KRT74: variants seen among roughly 807,000 people sequenced by gnomAD.
KRT74 encodes keratin, type II cytoskeletal 74.
KRT74 carries 43 observed loss-of-function variants against 42.7 expected under a neutral mutation model. That is an observed-to-expected ratio of 1.01 (90% CI 0.79 to 1.30). The LOEUF (loss-of-function observed/expected upper bound fraction) is 1.30. Among genes scored for constraint, KRT74 ranks in the 50% most tolerant of loss-of-function variants. KRT74 has a pLI of 0.00. For missense variants in KRT74, 736 were observed against 689.1 expected, an observed-to-expected ratio of 1.07 and a Z score of -0.76; for synonymous variants, 302 against 279.0, an observed-to-expected ratio of 1.08 and a Z score of -0.82.
chr12:52,572,063 G>A lies in KRT74; in HGVS notation c.687-59C>T, dbSNP rs1939494219. 3 of 1,269,572 alleles carry A rather than the reference G, an allele frequency of 2.4e-6. No homozygotes were observed. In the African/African-American group the frequency reaches 4.5e-5, roughly 19 times the overall value. The allele number at this position is 1,269,572 out of a possible 1,614,324, so 78.6% of individuals were successfully genotyped here. On this transcript the variant is annotated intron_variant, in intron 2 of 8. Coordinates refer to ENST00000305620, the MANE Select transcript of KRT74 (RefSeq NM_175053.4). ...CTTAGCCAAGGAACTTTCTCTTCCT[G>A]CTGGCCAGGCAAATGTTTGGGATAC...
In KRT74 at chr12:52,573,796, G is replaced by T; in HGVS notation, c.-19C>A. The T allele has an allele frequency of 6.3e-7, 1 of 1,595,154 alleles. No individual in the cohort carries two copies. The highest frequency in any genetic ancestry group is 1.1e-5 in the South Asian group (1 of 90,518). ...GACTCATGGTGGGAAAGGTTGAGTT[G>T]ACAGAGCTGGAGAAAAGCAGTCTCC... On this transcript the variant is annotated 5_prime_UTR_variant, in exon 1 of 9. Coordinates refer to ENST00000305620, the MANE Select transcript of KRT74 (RefSeq NM_175053.4).
In KRT74 at chr12:52,572,476, A is replaced by G. The variant is rs199720724; in HGVS notation, c.663T>C (p.Asp221=). 1.2e-6 allele frequency: 2 copies of G among 1,613,986 alleles called. No homozygotes were observed. Among genetic ancestry groups the G allele is most frequent in the East Asian group, 4.5e-5 (2 of 44,862 alleles). Residue 221 remains aspartate, a synonymous_variant, in exon 2 of 9, where the codon GAT becomes GAC. Transcript: ENST00000305620. The part of the protein sequence containing the change: ...RLDSELRSMR[D]LVEDYKKRYE... ...ACCTCTTCTTATAGTCCTCCACCAG[A>G]TCCCTCATGCTTCTCAGCTCCGAGT...
intron 1 of KRT74, 68 bp downstream of exon 1, chr12:52,573,239 A>T: frequency 6.8e-7 from 1 of 1,468,406 alleles, no homozygotes; most frequent in Non-Finnish European, 9.5e-7. Context: ...TGTGCAGTCC[A>T]TTCCCAGGCA....
chr12:52,568,157 CA>C lies in KRT74; in HGVS notation c.1355+11del. 1 of 1,614,060 alleles carries C rather than the reference CA, an allele frequency of 6.2e-7. No homozygotes were observed. The highest frequency in any genetic ancestry group is 8.5e-7 in the Non-Finnish European group (1 of 1,179,906). On this transcript the variant is annotated intron_variant, in intron 7 of 8. Coordinates refer to ENST00000305620, the MANE Select transcript of KRT74 (RefSeq NM_175053.4). The stretch of plus-strand genomic sequence containing the variant: ...CAGTCCCTTCTCACACTTTCCCCTC[CA>C]CCCCACCTACCTGCACTCCTCGCCC...
At chr12:52,568,555 G>A (rs1429098256) in intron 6 of KRT74, 166 bp from the exon 7 acceptor site, 6 of 723,914 alleles carry the variant, frequency 8.3e-6, no homozygotes, top group African/African-American at 1.8e-5. Context: ...CTATTGCAGA[G>A]GAGTATTCAA....
chr12:52,569,709 C>T (rs991990760), intron 6 of KRT74, 150 bp downstream of exon 6: 8 of 983,304 alleles, frequency 8.1e-6, no homozygotes, highest in Admixed American at 1.8e-5. Flanking sequence ...GGTAGGGTAC[C>T]GAGGCAGGGT....
rs116730529 is a variant in KRT74 at position 52,571,500 on chromosome 12, A to G, written c.748-46T>C. On this transcript the variant is annotated intron_variant, in intron 3 of 8. Coordinates refer to ENST00000305620, the MANE Select transcript of KRT74 (RefSeq NM_175053.4). ...CATTGGGGGATGCAACCCTCATCCC[A>G]CAGCTGCCCTGCCCAACTCCTGCCT... 774 of 1,378,620 alleles carry G rather than the reference A, an allele frequency of 5.6e-4. 5 individuals are homozygous for G. The African/African-American group carries it at 9.5e-3, about 17-fold the overall frequency. 85.4% of individuals were successfully genotyped at this position (1,378,620 alleles called of 1,614,324 possible).
chr12:52,571,231 T>C, intron 4 of KRT74, 128 bp downstream of exon 4: 2 of 720,762 alleles, frequency 2.8e-6, no homozygotes, highest in Non-Finnish European at 5.0e-6. Flanking sequence ...GGTCTCCTGG[T>C]GCAGGGTTTT....
chr12:52,567,881 GACCAC>G (rs899315681), intron 7 of KRT74, among the ~76,000 whole-genome samples, 188 bp from the exon 8 acceptor site: 4 of 150,694 alleles, frequency 2.7e-5, no homozygotes, highest in African/African-American at 9.8e-5. Context: ...GATTTACCGA[GACCAC>G]ACCACTAGCA....
chr12:52,569,037 T>A (rs1939427516), intron 6 of KRT74, among the ~76,000 whole-genome samples: 1 of 152,060 alleles, frequency 6.6e-6, no homozygotes, highest in African/African-American at 2.4e-5. Context: ...ATCGGCCAAA[T>A]GTAGAGTCGT....
In KRT74 at chr12:52,570,783, G is replaced by T; in HGVS notation, c.894C>A (p.Ser298=). The change falls in exon 5 of 9, where the codon TCC becomes TCA. Residue 298 remains serine, a synonymous_variant. Transcript: ENST00000305620. ...THASETSVIL[S]MDNNRDLDLD... is the part of the protein sequence containing the mutation. ...GGTCCAGGTCCCGGTTGTTGTCCAT[G>T]GACAGGATGACAGAGGTCTCACTGG... The T allele has an allele frequency of 1.2e-6, 2 of 1,614,228 alleles. No homozygotes were observed. Among genetic ancestry groups the T allele is most frequent in the Non-Finnish European group, 1.7e-6 (2 of 1,180,024 alleles).
chr12:52,568,251 A>T lies in KRT74; in HGVS notation c.1273T>A (p.Tyr425Asn), dbSNP rs756990813. 6.2e-7 allele frequency: 1 copy of T among 1,614,014 alleles called. No homozygotes were observed. The highest frequency in any genetic ancestry group is 8.5e-7 in the Non-Finnish European group (1 of 1,180,010). ...KEELARMLRE[Y>N]QELMSLKLAL... ...AGTTTCAGGCTCATGAGCTCCTGGT[A>T]CTCGCGCAGCATCCGCGCCAGCTCC... Residue 425 changes from tyrosine (Y) to asparagine (N), a missense_variant, in exon 7 of 9, where the codon TAC becomes AAC. Tyr to Asn is a moderately radical substitution (Grantham distance 143). Transcript: ENST00000305620.
Position 52,566,886 on chromosome 12 carries a change from T to C in KRT74, c.*83A>G. The C allele has an allele frequency of 1.7e-6, 2 of 1,200,480 alleles. No homozygotes were observed. Among genetic ancestry groups the C allele is most frequent in the East Asian group, 2.4e-5 (1 of 42,408 alleles). 74.4% of individuals were successfully genotyped at this position (1,200,480 alleles called of 1,614,324 possible). ...ACAGACAGTTTTAAAACTCAGGGCC[T>C]GGGAACTTGGGTGTGGCAGACACCT... is the stretch of plus-strand genomic sequence containing the variant. On this transcript the variant is annotated 3_prime_UTR_variant, in exon 9 of 9. Transcript: ENST00000305620.
chr12:52,572,149 C>A (rs1257331860), intron 2 of KRT74, 145 bp from the exon 3 acceptor site: 2 of 746,330 alleles, frequency 2.7e-6, no homozygotes, highest in African/African-American at 3.5e-5. Context: ...GTAAGATATC[C>A]CTGAGTTGCT....
rs1939383633 is a variant in KRT74, at chr12:52,566,500, ATGGAGCAAGTAAAGGC to A, written c.*453_*468del. 1 of 155,918 alleles carries A rather than the reference ATGGAGCAAGTAAAGGC, an allele frequency of 6.4e-6. No homozygotes were observed. Among genetic ancestry groups the A allele is most frequent in the African/African-American group, 2.4e-5 (1 of 41,574 alleles). The allele number at this position is 155,918 out of a possible 1,614,324, so 9.7% of individuals were successfully genotyped here. ...GCGTCATCCTGCAAAGTTGTTTCTG[ATGGAGCAAGTAAAGGC>A]TGTCTAACTTCTCACCACCTGCTTA... is the stretch of plus-strand genomic sequence containing the variant. On this transcript the variant is annotated 3_prime_UTR_variant, in exon 9 of 9. Transcript: ENST00000305620.
chr12:52,571,801 G>C (rs751669322), intron 3 of KRT74, 143 bp downstream of exon 3: 11 of 765,150 alleles, frequency 1.4e-5, no homozygotes, highest in Non-Finnish European at 2.7e-5. Context: ...CTGGAGGCCA[G>C]GACTATGACT....
At chr12:52,569,727 G>A in intron 6 of KRT74, 132 bp downstream of exon 6, 1 of 1,169,710 alleles carries the variant, frequency 8.5e-7, no homozygotes, top group Non-Finnish European at 1.3e-6. Flanking sequence ...GGTGGGAAAG[G>A]GAGACTGTGG....
chr12:52,568,281 T>C lies in KRT74; in HGVS notation c.1243A>G (p.Lys415Glu). 3 of 1,614,152 alleles carry C rather than the reference T, an allele frequency of 1.9e-6. No individual in the cohort carries two copies. Among genetic ancestry groups the C allele is most frequent in the Non-Finnish European group, 2.5e-6 (3 of 1,180,022 alleles). The change falls in exon 7 of 9, where the codon AAG becomes GAG. Residue 415 changes from lysine to glutamate, a missense_variant. Lys to Glu is a moderately conservative substitution (Grantham distance 56, BLOSUM62 1). Coordinates refer to ENST00000305620, the MANE Select transcript of KRT74 (RefSeq NM_175053.4). ...DELEGALHQA[K>E]EELARMLREY... ...CGCAGCATCCGCGCCAGCTCCTCCT[T>C]GGCCTGGTGCAGGGCGCCCTCCAGC... is the stretch of plus-strand genomic sequence containing the variant.
chr12:52,570,790 A>T lies in KRT74; in HGVS notation c.887T>A (p.Ile296Asn). The change falls in exon 5 of 9, where the codon ATC (isoleucine) becomes AAC (asparagine). Residue 296 changes from isoleucine (I) to asparagine (N), a missense_variant. By Grantham distance (149) the Ile-to-Asn change is moderately radical. Transcript: ENST00000305620. ...GTCCCGGTTGTTGTCCATGGACAGGATGACAGAGGTCTCACTGGCGTGAGT... is the reference window on the plus strand; with the variant it reads ...GTCCCGGTTGTTGTCCATGGACAGGTTGACAGAGGTCTCACTGGCGTGAGT... The part of the protein sequence containing the change: ...IQTHASETSV[I>N]LSMDNNRDLD... The T allele has an allele frequency of 6.2e-7, 1 of 1,614,192 alleles. No homozygotes were observed. Among genetic ancestry groups the T allele is most frequent in the Non-Finnish European group, 8.5e-7 (1 of 1,180,026 alleles).
Sources: allele counts gnomAD v4.1 joint callset (sites outside exome capture counted in the v4.1 genomes callset), GRCh38; gene constraint gnomAD v4.1.1; transcripts MANE v1.5; gene names NCBI Gene and HGNC (gene_info 2026-07-23, HGNC 2026-07-21).